XXYLT1: variants seen among roughly 807,000 people sequenced by gnomAD.
XXYLT1 encodes xyloside xylosyltransferase 1, also known as UDP-xylose:alpha-xyloside alpha-1,3-xylosyltransferase.
A neutral mutation model predicts 28.9 loss-of-function variants in XXYLT1; 20 were observed. The ratio of observed to expected loss-of-function variants is 0.69; its 90% CI spans 0.49 to 1.00. The LOEUF (loss-of-function observed/expected upper bound fraction) is 1.00, where lower values mean the gene tolerates loss of function less well. Ranked by LOEUF, XXYLT1 falls within the 50% of genes least tolerant of loss-of-function variation. The pLI is 0.00. For missense variants in XXYLT1, 542 were observed against 560.1 expected (o/e 0.97, Z 0.33); for synonymous variants, 257 against 253.8 (o/e 1.01, Z -0.12).
intron 3 of XXYLT1, among the ~76,000 whole-genome samples, chr3:195,085,395 T>C (rs1715664052): frequency 6.6e-6 from 1 of 152,210 alleles, no homozygotes; most frequent in South Asian, 2.1e-4. Flanking sequence ...TCACCCAAGG[T>C]GTCCAGGTCT....
chr3:195,074,434 C>T (rs1417554823), intron 3 of XXYLT1, among the ~76,000 whole-genome samples: 1 of 152,182 alleles, frequency 6.6e-6, no homozygotes, highest in East Asian at 1.9e-4. Flanking sequence ...AACCCGGAAA[C>T]GTGATTTCCC....
chr3:195,254,490 G>A (rs1463666976), intron 1 of XXYLT1, among the ~76,000 whole-genome samples: 1 of 152,240 alleles, frequency 6.6e-6, no homozygotes, highest in Admixed American at 6.5e-5. Flanking sequence ...CGTCCACGGG[G>A]CATAATTAAG....
At position 195,231,114 on chromosome 3, in the gene XXYLT1, G is replaced by T. The variant is rs144415979; in HGVS notation, c.505-4258C>A. On this transcript the variant is annotated intron_variant, in intron 1 of 3. Transcript: ENST00000310380. ...TTTCACTTGTTTGGTTAATCCCTAG[G>T]TATTTTATTTGTAGCAATTATAAAT... Among the ~76,000 whole-genome samples, 4 of 151,746 alleles carry T rather than the reference G, an allele frequency of 2.6e-5. No homozygotes were observed. The East Asian group carries it at 7.7e-4, about 29-fold the overall frequency.
intron 1 of XXYLT1, among the ~76,000 whole-genome samples, chr3:195,232,504 T>C (rs1472981148): frequency 2.6e-5 from 4 of 152,140 alleles, no homozygotes; most frequent in Non-Finnish European, 5.9e-5. Flanking sequence ...TTCTTCTTTT[T>C]TGATGTAGGC....
chr3:195,112,413 C>T (rs549671036), intron 3 of XXYLT1, among the ~76,000 whole-genome samples: 15 of 144,478 alleles, frequency 1.0e-4, no homozygotes, highest in South Asian at 2.2e-4. Flanking sequence ...CGCACGTGCG[C>T]GCACACACAC....
At chr3:195,229,281 A>G (rs529699104) in intron 1 of XXYLT1, among the ~76,000 whole-genome samples, 2 of 152,242 alleles carry the variant, frequency 1.3e-5, no homozygotes, top group Admixed American at 1.3e-4. Flanking sequence ...GAGTATGTAT[A>G]TATATTTATG....
chr3:195,207,112 C>T (rs1440034086), intron 2 of XXYLT1, among the ~76,000 whole-genome samples: 1 of 152,186 alleles, frequency 6.6e-6, no homozygotes, highest in Non-Finnish European at 1.5e-5. Context: ...CCTGGAAGAG[C>T]CACGAGGGCA....
At chr3:195,086,720 T>C (rs1715749016) in intron 3 of XXYLT1, among the ~76,000 whole-genome samples, 1 of 151,634 alleles carries the variant, frequency 6.6e-6, no homozygotes, top group Non-Finnish European at 1.5e-5. Flanking sequence ...GGAGGATGCT[T>C]TGGTGATGGG....
intron 3 of XXYLT1, among the ~76,000 whole-genome samples, chr3:195,113,280 G>A (rs540908290): frequency 3.0e-4 from 45 of 152,302 alleles, no homozygotes; most frequent in Non-Finnish European, 4.1e-4. Context: ...GCGGGAGCTC[G>A]GAAAAACGCC....
intron 3 of XXYLT1, among the ~76,000 whole-genome samples, chr3:195,099,571 C>G (rs1032994687): frequency 6.6e-6 from 1 of 152,168 alleles, no homozygotes; most frequent in Non-Finnish European, 1.5e-5. Context: ...TGGCTCATGC[C>G]TATAATTCCA....
chr3:195,247,801 AAC>A (rs1407485728), intron 1 of XXYLT1: 1 of 702,710 alleles, frequency 1.4e-6, no homozygotes, highest in Admixed American at 2.0e-5. Context: ...GGCCTCAGGA[AAC>A]ACACAATCAC....
chr3:195,219,664 A>G (rs534981353), intron 2 of XXYLT1, among the ~76,000 whole-genome samples: 1 of 152,200 alleles, frequency 6.6e-6, no homozygotes, highest in Non-Finnish European at 1.5e-5. Context: ...TGAATCTTAC[A>G]CCAGCCTTTG....
intron 1 of XXYLT1, among the ~76,000 whole-genome samples, chr3:195,261,863 A>G (rs1402096804): frequency 6.6e-6 from 1 of 152,252 alleles, no homozygotes; most frequent in Non-Finnish European, 1.5e-5. Context: ...AAGATGGATG[A>G]TTACAAGTGC....
chr3:195,122,183 T>A (rs1560107039), intron 3 of XXYLT1: 1 of 702,972 alleles, frequency 1.4e-6, no homozygotes, highest in Non-Finnish European at 2.6e-6. Flanking sequence ...AGGACACTCA[T>A]CCCATTCATG....
chr3:195,103,274 A>C (rs1358532368), intron 3 of XXYLT1, among the ~76,000 whole-genome samples: 1 of 152,210 alleles, frequency 6.6e-6, no homozygotes, highest in African/African-American at 2.4e-5. Flanking sequence ...TGGTTCTGTG[A>C]CAGAAAAACA....
intron 1 of XXYLT1, among the ~76,000 whole-genome samples, chr3:195,233,511 GTA>G (rs1252789886): frequency 2.0e-5 from 3 of 152,130 alleles, no homozygotes; most frequent in African/African-American, 7.2e-5. Context: ...CATATCCATT[GTA>G]TGTTTTTAGA....
chr3:195,081,677 G>A (rs1462296802), intron 3 of XXYLT1, among the ~76,000 whole-genome samples: 1 of 152,324 alleles, frequency 6.6e-6, no homozygotes. Flanking sequence ...CAGGGCTGCC[G>A]AGAAAATGTT....
At chr3:195,175,633 G>A (rs1300853766) in intron 2 of XXYLT1, 54 of 1,535,994 alleles carry the variant, frequency 3.5e-5, no homozygotes, top group South Asian at 7.1e-5. Flanking sequence ...GTGCTCACCC[G>A]CACTCTGCCT....
chr3:195,142,323 G>A (rs1374077573), intron 3 of XXYLT1, among the ~76,000 whole-genome samples: 1 of 152,152 alleles, frequency 6.6e-6, no homozygotes, highest in Non-Finnish European at 1.5e-5. Flanking sequence ...ACTATGGTGG[G>A]CAGGCAGATC....
Sources: gnomAD v4.1 joint callset for allele counts (sites outside exome capture counted in the v4.1 genomes callset) on GRCh38, gnomAD v4.1.1 for gene constraint, MANE v1.5 for transcripts, NCBI Gene and HGNC (gene_info 2026-07-23, HGNC 2026-07-21) for gene names.